ATRX: variants seen among roughly 807,000 people sequenced by gnomAD.
ATRX encodes ATRX chromatin remodeler, also known as chromatin remodeler ATRX.
ATRX carries 12 observed loss-of-function variants against 172.6 expected under a neutral mutation model. The ratio of observed to expected loss-of-function variants is 0.07; its 90% CI spans 0.04 to 0.11. The LOEUF (loss-of-function observed/expected upper bound fraction) is 0.11, where lower values mean the gene tolerates loss of function less well. ATRX is among the 10% of genes least tolerant of loss of function. The pLI is 1.00. For missense variants in ATRX, 1,368 were observed against 1,767.4 expected (o/e 0.77, Z 4.05); for synonymous variants, 674 against 594.7 (o/e 1.13, Z -1.94).
intron 1 of ATRX, among the ~76,000 whole-genome samples, chrX:77,746,476 C>T (rs181677980): frequency 1.4e-4 from 16 of 111,844 alleles, no homozygotes; most frequent in Admixed American, 2.9e-4. Context: ...CACAGTCTTA[C>T]CACCTAAAAC....
At position 77,508,402 on chromosome X, in the gene ATRX, T is replaced by A. The variant is rs1557034710; in HGVS notation, c.7428A>T (p.Pro2476=). The A allele has an allele frequency of 1.7e-6, 2 of 1,211,234 alleles. No individual in the cohort carries two copies. Among genetic ancestry groups the A allele is most frequent in the East Asian group, 3.0e-5 (1 of 33,854 alleles). ...GMQPPPLQRA[P]PPMRSKNPGP... ...CTGGATTTTTGCTTCTCATTGGGGGTGGTGCACGCTGTAATGGTGGTGGCT... is the reference window on the plus strand; with the variant it reads ...CTGGATTTTTGCTTCTCATTGGGGGAGGTGCACGCTGTAATGGTGGTGGCT... Residue 2476 remains proline (P), a synonymous_variant, in exon 35 of 35, where the codon CCA becomes CCT. Transcript: ENST00000373344.
intron 1 of ATRX, among the ~76,000 whole-genome samples, chrX:77,719,365 C>T (rs1395015711): frequency 9.0e-6 from 1 of 111,224 alleles, no homozygotes; most frequent in Non-Finnish European, 1.9e-5. Flanking sequence ...GATCATTAGT[C>T]ATATCAGGGA....
At chrX:77,527,170 A>G (rs1447887168) in intron 30 of ATRX, among the ~76,000 whole-genome samples, 3 of 112,232 alleles carry the variant, frequency 2.7e-5, no homozygotes, top group African/African-American at 9.7e-5. Flanking sequence ...ACACATTGAC[A>G]CACACACACC....
chrX:77,778,106 G>A (rs2084771960), intron 1 of ATRX, among the ~76,000 whole-genome samples: 1 of 104,878 alleles, frequency 9.5e-6, no homozygotes, highest in Non-Finnish European at 1.9e-5. Context: ...CTGAGCCCGG[G>A]TGACAGAGTG....
chrX:77,771,893 T>C (rs2076163745), intron 1 of ATRX, among the ~76,000 whole-genome samples: 1 of 111,408 alleles, frequency 9.0e-6, no homozygotes, highest in African/African-American at 3.3e-5. Flanking sequence ...AGGGATAAAA[T>C]GCATTCACAG....
chrX:77,648,629 T>G (rs1557115116), intron 15 of ATRX, among the ~76,000 whole-genome samples: 2 of 109,177 alleles, frequency 1.8e-5, no homozygotes, highest in African/African-American at 3.3e-5. Context: ...GCTGCGTTTT[T>G]TTTTTTTTTT....
chrX:77,735,449 C>G (rs909864618), intron 1 of ATRX, among the ~76,000 whole-genome samples: 1 of 110,960 alleles, frequency 9.0e-6, no homozygotes, highest in Non-Finnish European at 1.9e-5. Flanking sequence ...AAAAATTAGC[C>G]GGCACAGTGA....
intron 30 of ATRX, among the ~76,000 whole-genome samples, chrX:77,529,813 T>TAA (rs1557045562): frequency 2.7e-5 from 3 of 112,003 alleles, no homozygotes; most frequent in African/African-American, 9.7e-5. Context: ...AGCAAGTTCT[T>TAA]AGAGACCTAC....
chrX:77,612,388 G>A (rs1244427810), intron 22 of ATRX, among the ~76,000 whole-genome samples: 1 of 107,629 alleles, frequency 9.3e-6, no homozygotes, highest in African/African-American at 3.4e-5. Context: ...TGGACACAGG[G>A]AGGGGCACAT....
At chrX:77,696,847 T>C (rs782788915) in intron 4 of ATRX, 143 bp from the exon 5 acceptor site, 2 of 564,738 alleles carry the variant, frequency 3.5e-6, no homozygotes, top group South Asian at 6.5e-5. Flanking sequence ...CATGTATGTC[T>C]ATACCATATC....
At chrX:77,756,993 C>A (rs2075524917) in intron 1 of ATRX, among the ~76,000 whole-genome samples, 1 of 110,822 alleles carries the variant, frequency 9.0e-6, no homozygotes, top group Non-Finnish European at 1.9e-5. Flanking sequence ...ACCATGTTGG[C>A]CAGGCTGGTC....
intron 21 of ATRX, among the ~76,000 whole-genome samples, chrX:77,618,184 C>T (rs1019941977): frequency 2.7e-4 from 30 of 112,279 alleles, no homozygotes; most frequent in Non-Finnish European, 2.1e-4. Context: ...TTTGTTAAAA[C>T]ATCTTTGAGG....
rs782141750 is a variant in ATRX, at chrX:77,559,059, G to A, written c.6327-213C>T. 3.6e-5 allele frequency among the ~76,000 whole-genome samples: 4 copies of A among 110,739 alleles called. No homozygotes were observed. In the South Asian group the frequency reaches 1.1e-3, roughly 31 times the overall value. On this transcript the variant is annotated intron_variant, in intron 28 of 34. Transcript: ENST00000373344. ...AATCCTATTGTTGGAAAATAAAATCGTCTGATTTAAGAATAAAGATGAAAT... is the reference window on the plus strand; with the variant it reads ...AATCCTATTGTTGGAAAATAAAATCATCTGATTTAAGAATAAAGATGAAAT...
chrX:77,614,868 C>T (rs988160921), intron 22 of ATRX, among the ~76,000 whole-genome samples: 42 of 111,981 alleles, frequency 3.8e-4, no homozygotes, highest in African/African-American at 1.3e-3. Flanking sequence ...CTCTCTCTAT[C>T]CCTCCCTCAA....
intron 34 of ATRX, among the ~76,000 whole-genome samples, chrX:77,511,218 A>G (rs2062857407): frequency 8.9e-6 from 1 of 112,131 alleles, no homozygotes; most frequent in Non-Finnish European, 1.9e-5. Flanking sequence ...AGTCTCCAAG[A>G]CTACAAGAGT....
At chrX:77,557,295 A>G (rs1384364157) in intron 30 of ATRX, among the ~76,000 whole-genome samples, 156 bp downstream of exon 30, 9 of 111,898 alleles carry the variant, frequency 8.0e-5, no homozygotes, top group African/African-American at 2.9e-4. Context: ...GCACCCTATC[A>G]TTTATAATTT....
intron 15 of ATRX, among the ~76,000 whole-genome samples, chrX:77,646,010 T>A (rs1450025476): frequency 9.0e-6 from 1 of 110,768 alleles, no homozygotes; most frequent in Non-Finnish European, 1.9e-5. Flanking sequence ...CTGCAAAAAA[T>A]TAACCAAACA....
intron 1 of ATRX, among the ~76,000 whole-genome samples, chrX:77,780,004 T>C (rs1444115044): frequency 8.9e-6 from 1 of 111,890 alleles, no homozygotes; most frequent in Non-Finnish European, 1.9e-5. Flanking sequence ...TTTTCAGACG[T>C]ACATCTTCAA....
In ATRX at chrX:77,682,038, C is replaced by G. The variant is rs781825074; in HGVS notation, c.3218G>C (p.Ser1073Thr). Residue 1073 changes from serine to threonine, a missense_variant, in exon 9 of 35, where the codon AGT becomes ACT. Transcript: ENST00000373344. The part of the protein sequence containing the change: ...YAEKSTGKGD[S>T]CDSSEDKKSK... ...CTTTTTATCCTCTGAAGAGTCACAACTATCTCCTTTCCCTGTTGACTTCTC... is the reference window on the plus strand; with the variant it reads ...CTTTTTATCCTCTGAAGAGTCACAAGTATCTCCTTTCCCTGTTGACTTCTC... 46 of 1,209,278 alleles carry G rather than the reference C, an allele frequency of 3.8e-5. No individual in the cohort carries two copies. The Admixed American group carries it at 9.0e-4, about 24-fold the overall frequency.
Sources: gnomAD v4.1 joint callset for allele counts (sites outside exome capture counted in the v4.1 genomes callset) on GRCh38, gnomAD v4.1.1 for gene constraint, MANE v1.5 for transcripts, NCBI Gene and HGNC (gene_info 2026-07-23, HGNC 2026-07-21) for gene names.